The following PRAG1 variants were observed in gnomAD, a reference collection of about 807,000 sequenced individuals.
PRAG1 encodes inactive tyrosine-protein kinase PRAG1.
PRAG1 carries 110 observed loss-of-function variants against 95.6 expected under a neutral mutation model. That is an observed-to-expected ratio of 1.15 (90% CI 0.99 to 1.35). PRAG1 has a LOEUF of 1.35. PRAG1 is among the 40% of genes most tolerant of loss of function. PRAG1 has a pLI of 0.00. For synonymous variants in PRAG1, 1,052 were observed against 819.4 expected (o/e 1.28, Z -4.85); for missense variants, 2,554 against 1,864.7 (o/e 1.37, Z -6.81).
At chr8:8,349,299 G>A (rs1027902865) in intron 3 of PRAG1, among the ~76,000 whole-genome samples, 2 of 124,820 alleles carry the variant, frequency 1.6e-5, no homozygotes, top group Admixed American at 1.5e-4. Flanking sequence ...TTTATTTTTT[G>A]AGACAGAGTC....
intron 4 of PRAG1, 98 bp downstream of exon 4, chr8:8,339,380 T>A (rs1425471620): frequency 7.8e-7 from 1 of 1,287,966 alleles, no homozygotes; most frequent in South Asian, 1.4e-5. Flanking sequence ...ACCAAGACAG[T>A]AGTCCTTGCT....
At chr8:8,331,268 T>A (rs1165500037) in intron 4 of PRAG1, among the ~76,000 whole-genome samples, 1 of 152,188 alleles carries the variant, frequency 6.6e-6, no homozygotes, top group African/African-American at 2.4e-5. Flanking sequence ...TGTTTATTGA[T>A]TTTGTCTTCC....
chr8:8,318,851 G>A lies in PRAG1; in HGVS notation c.3524C>T (p.Ala1175Val). 1.6e-6 allele frequency: 2 copies of A among 1,262,718 alleles called. No individual in the cohort carries two copies. The highest frequency in any genetic ancestry group is 4.5e-5 in the Admixed American group (1 of 22,234). The allele number at this position is 1,262,718 out of a possible 1,614,324, so 78.2% of individuals were successfully genotyped here. The stretch of plus-strand genomic sequence containing the variant: ...AGAGGAGCAGGGAGGCGCGGCGGCG[G>A]CGGGGGCGGGAGCCGGGGCGGGGGC... ...APAPAPAPAP[A>V]AAAPPCSSAA... The change falls in exon 6 of 6, where the codon GCC (alanine) becomes GTC (valine). Residue 1175 changes from alanine (A) to valine (V), a missense_variant. By Grantham distance (64) the Ala-to-Val change is moderately conservative. Transcript: ENST00000615670. This position sits in a 1 kb window ranked among gnomAD's most constrained non-coding sequence, Gnocchi z 4.2.
In PRAG1 at chr8:8,381,451, C is replaced by G. The variant is rs774165712; in HGVS notation, c.297G>C (p.Trp99Cys). Residue 99 changes from tryptophan (W) to cysteine (C), a missense_variant, in exon 2 of 6, where the codon TGG (tryptophan) becomes TGC (cysteine). Trp to Cys is a radical substitution (Grantham distance 215). Transcript: ENST00000615670. The stretch of plus-strand genomic sequence containing the variant: ...CTTCGGCACTCAGGTTGGCCTCTGT[C>G]CACACATCAGAGGCCTCGGAGCTCA... ...TMMSSEASDV[W>C]TEANLSAEVS... The G allele has an allele frequency of 6.2e-7, 1 of 1,613,728 alleles. No homozygotes were observed. The highest frequency in any genetic ancestry group is 1.7e-5 in the Admixed American group (1 of 60,012).
At position 8,381,702 on chromosome 8, in the gene PRAG1, CA is replaced by C; in HGVS notation, c.45del (p.Ala16ArgfsTer59). 1 of 1,607,380 alleles carries C rather than the reference CA, an allele frequency of 6.2e-7. No homozygotes were observed. The highest frequency in any genetic ancestry group is 8.5e-7 in the Non-Finnish European group (1 of 1,174,762). ...LCLNPESLKM[S>X]ACSDFVEHIW... ...ATGTGCTCCACAAAGTCACTGCACG[CA>C]GACATTTTCAGGCTCTCGGGGTTCA... On this transcript the variant is annotated frameshift_variant, in exon 2 of 6. Coordinates refer to ENST00000615670, the MANE Select transcript of PRAG1 (RefSeq NM_001080826.3). LOFTEE classifies it high-confidence loss of function.
chr8:8,360,400 T>G (rs1224610964), intron 3 of PRAG1, among the ~76,000 whole-genome samples: 1 of 152,214 alleles, frequency 6.6e-6, no homozygotes, highest in Non-Finnish European at 1.5e-5. Flanking sequence ...CTCTCTGCAT[T>G]CCTGAATTAC....
At chr8:8,367,816 T>C (rs1384261376) in intron 3 of PRAG1, among the ~76,000 whole-genome samples, 4 of 152,128 alleles carry the variant, frequency 2.6e-5, no homozygotes, top group Non-Finnish European at 5.9e-5. Flanking sequence ...TAATTTTTTG[T>C]ATTTTTAGTA....
chr8:8,378,214 G>T, intron 2 of PRAG1, 136 bp from the exon 3 acceptor site: 1 of 996,814 alleles, frequency 1.0e-6, no homozygotes, highest in Non-Finnish European at 1.4e-6. Flanking sequence ...CTGGGGCCGG[G>T]GACTCAGTGC....
At chr8:8,324,870 T>G (rs972612825) in intron 5 of PRAG1, among the ~76,000 whole-genome samples, 2 of 152,160 alleles carry the variant, frequency 1.3e-5, no homozygotes, top group African/African-American at 4.8e-5. Context: ...TAATGATTTT[T>G]TTTTTCCTGT....
intron 3 of PRAG1, among the ~76,000 whole-genome samples, chr8:8,350,873 T>G (rs996168396): frequency 1.3e-5 from 2 of 151,968 alleles, no homozygotes; most frequent in Non-Finnish European, 2.9e-5. Context: ...AACAGCACCA[T>G]GTACATAGAA....
At chr8:8,342,440 C>T (rs1039156206) in intron 3 of PRAG1, among the ~76,000 whole-genome samples, 5 of 152,036 alleles carry the variant, frequency 3.3e-5, no homozygotes, top group African/African-American at 1.2e-4. Context: ...TCGTGATCTG[C>T]CCGCCTCGGC....
At chr8:8,375,388 G>A (rs1229590947) in intron 3 of PRAG1, among the ~76,000 whole-genome samples, 1 of 152,030 alleles carries the variant, frequency 6.6e-6, no homozygotes, top group Non-Finnish European at 1.5e-5. Context: ...ATTTTTAGTA[G>A]AGACGGGGTT....
intron 3 of PRAG1, among the ~76,000 whole-genome samples, chr8:8,362,388 G>A (rs1038148500): frequency 5.3e-5 from 8 of 152,192 alleles, no homozygotes; most frequent in Admixed American, 1.3e-4. Flanking sequence ...CCCCTGTGAC[G>A]TTTCTTACTT....
chr8:8,337,179 A>G (rs575510406), intron 4 of PRAG1, among the ~76,000 whole-genome samples: 19 of 152,198 alleles, frequency 1.2e-4, no homozygotes, highest in Non-Finnish European at 1.9e-4. Flanking sequence ...CAGACACTAC[A>G]TTCAAGTTTC....
chr8:8,325,009 T>TCCGCGA (rs1186353306), intron 5 of PRAG1, among the ~76,000 whole-genome samples: 1 of 152,206 alleles, frequency 6.6e-6, no homozygotes, highest in African/African-American at 2.4e-5. Context: ...TAACTAGGAC[T>TCCGCGA]CCGCGACCGC....
intron 1 of PRAG1, among the ~76,000 whole-genome samples, chr8:8,384,652 T>A (rs1396551673): frequency 1.3e-5 from 2 of 150,444 alleles, no homozygotes; most frequent in African/African-American, 4.9e-5. Flanking sequence ...CCGTTGCACT[T>A]CTGTGCCTGG....
chr8:8,331,558 C>T (rs1035795472), intron 4 of PRAG1, among the ~76,000 whole-genome samples: 4 of 152,208 alleles, frequency 2.6e-5, no homozygotes, highest in African/African-American at 4.8e-5. Context: ...ATTGTTATCT[C>T]GGTTCAATTG....
chr8:8,370,752 T>C (rs927600068), intron 3 of PRAG1, among the ~76,000 whole-genome samples: 1 of 152,148 alleles, frequency 6.6e-6, no homozygotes, highest in Non-Finnish European at 1.5e-5. Context: ...GTCATGTCAG[T>C]TCCTCTGGTT....
chr8:8,318,823 G>T lies in PRAG1; in HGVS notation c.3552C>A (p.Ala1184=), dbSNP rs1416441017. 6.9e-6 allele frequency: 10 copies of T among 1,442,208 alleles called. No homozygotes were observed. Among genetic ancestry groups the T allele is most frequent in the Non-Finnish European group, 9.1e-6 (10 of 1,095,934 alleles). The allele number at this position is 1,442,208 out of a possible 1,614,324, so 89.3% of individuals were successfully genotyped here. The part of the protein sequence containing the change: ...PAAAAPPCSS[A]APPAGGTLSP... ...TGAGAGTGCCACCAGCAGGCGGGGC[G>T]GCAGAGGAGCAGGGAGGCGCGGCGG... The change falls in exon 6 of 6, where the codon GCC becomes GCA. Residue 1184 remains alanine (A), a synonymous_variant. Transcript: ENST00000615670. This position sits in a 1 kb window ranked among gnomAD's most constrained non-coding sequence, Gnocchi z 4.2.
Sources: allele counts gnomAD v4.1 joint callset (sites outside exome capture counted in the v4.1 genomes callset), GRCh38; gene constraint gnomAD v4.1.1; non-coding constraint Gnocchi (gnomAD v3.1); transcripts MANE v1.5; gene names NCBI Gene and HGNC (gene_info 2026-07-23, HGNC 2026-07-21).